RNASET2: variants seen among roughly 807,000 people sequenced by gnomAD.
The protein encoded by RNASET2 is ribonuclease T2, also known as ribonuclease 6.
RNASET2 carries 28 observed loss-of-function variants against 33.9 expected under a neutral mutation model. The observed-to-expected ratio is 0.83, with a 90% CI of 0.61 to 1.13. RNASET2 has a LOEUF of 1.13. Among genes scored for constraint, RNASET2 ranks in the 50% most tolerant of loss-of-function variants. The probability of loss-of-function intolerance (pLI) is 0.00; values close to 1 mark genes in which losing one functional copy is unlikely to be tolerated. For synonymous variants in RNASET2, 123 were observed against 121.0 expected (o/e 1.02, Z -0.11); for missense variants, 330 against 319.9 (o/e 1.03, Z -0.24).
intron 7 of RNASET2, chr6:166,931,664 C>T (rs571326799): frequency 4.6e-5 from 8 of 174,016 alleles, no homozygotes; most frequent in East Asian, 3.1e-4. Context: ...GCCTCCTCCT[C>T]GCTCTACTGA....
intron 1 of RNASET2, 106 bp from the exon 2 acceptor site, chr6:166,952,654 G>T: frequency 1.2e-6 from 1 of 865,282 alleles, no homozygotes; most frequent in Non-Finnish European, 1.9e-6. Context: ...ACTGAGTGCT[G>T]TGGGAGGAGG....
chr6:166,931,206 G>T, intron 7 of RNASET2, 88 bp from the exon 8 acceptor site: 1 of 953,254 alleles, frequency 1.0e-6, no homozygotes, highest in Non-Finnish European at 1.7e-6. Context: ...ACAGTGGCAG[G>T]GTCCTGGTCT....
At chr6:166,931,234 C>T (rs1009370469) in intron 7 of RNASET2, 116 bp from the exon 8 acceptor site, 9 of 788,418 alleles carry the variant, frequency 1.1e-5, no homozygotes, top group Non-Finnish European at 1.8e-5. Flanking sequence ...CTGGCAGGGA[C>T]AGGACCCAGC....
Position 166,955,225 on chromosome 6 carries a change from ACACACGCACGCACGCACACACACG to A in RNASET2, c.86+848_86+871del, listed in dbSNP as rs1339414294. Among the ~76,000 whole-genome samples the A allele has an allele frequency of 1.0e-3, 51 of 48,598 alleles. 2 individuals are homozygous for A. Among genetic ancestry groups the A allele is most frequent in the African/African-American group, 5.8e-3 (50 of 8,580 alleles). The allele number at this position is 48,598 out of a possible 152,430, so 31.9% of individuals were successfully genotyped here. On this transcript the variant is annotated intron_variant, in intron 1 of 8. Coordinates refer to ENST00000508775, the MANE Select transcript of RNASET2 (RefSeq NM_003730.6). ...CGCACACACGCACGCACACACGCGC[ACACACGCACGCACGCACACACACG>A]CACACACGCACACACACACACGCGC...
chr6:166,943,844 G>A (rs750369854), intron 4 of RNASET2: 13 of 441,318 alleles, frequency 2.9e-5, no homozygotes, highest in Admixed American at 5.1e-5. Flanking sequence ...AACATTGGCC[G>A]GGCACGGTGG....
intron 4 of RNASET2, chr6:166,943,766 G>A (rs1191500482): frequency 2.1e-6 from 1 of 470,514 alleles, no homozygotes; most frequent in Admixed American, 2.4e-5. Flanking sequence ...TGGGAGAGTT[G>A]AGGGGGAAGG....
chr6:166,954,895 G>A (rs527956563), intron 1 of RNASET2, among the ~76,000 whole-genome samples: 150 of 152,224 alleles, frequency 9.9e-4, no homozygotes, highest in South Asian at 1.9e-3. Context: ...AGAGGCTGAG[G>A]CAGGAGAATC....
At chr6:166,950,577 C>T (rs1042834209) in intron 2 of RNASET2, among the ~76,000 whole-genome samples, 3 of 152,240 alleles carry the variant, frequency 2.0e-5, no homozygotes, top group Non-Finnish European at 4.4e-5. Flanking sequence ...CTCAGCAACA[C>T]GGTCAAACAC....
chr6:166,937,906 C>G (rs1049103739), intron 6 of RNASET2, among the ~76,000 whole-genome samples: 2 of 152,202 alleles, frequency 1.3e-5, no homozygotes, highest in African/African-American at 2.4e-5. Flanking sequence ...CTATCCCACC[C>G]AAGTTGCAGC....
chr6:166,949,108 G>A lies in RNASET2; in HGVS notation c.148-483C>T, dbSNP rs76015244. On this transcript the variant is annotated intron_variant, in intron 2 of 8. Coordinates refer to ENST00000508775, the MANE Select transcript of RNASET2 (RefSeq NM_003730.6). ...AGGCGCTAATAGTCACTACTACTCA[G>A]GAGGCTGAGGCAGGAGAATTGCTTG... 9.5e-3 allele frequency among the ~76,000 whole-genome samples: 1,431 copies of A among 150,970 alleles called. 32 individuals are homozygous for A. The highest frequency in any genetic ancestry group is 0.09 in the East Asian group (462 of 5,122).
rs192910800 is a variant in RNASET2 at position 166,942,197 on chromosome 6, C to T, written c.332+822G>A. 3.1e-3 allele frequency among the ~76,000 whole-genome samples: 475 copies of T among 151,998 alleles called. 3 individuals are homozygous for T. Among genetic ancestry groups the T allele is most frequent in the African/African-American group, 7.2e-3 (298 of 41,462 alleles). Reference sequence around the variant, plus strand: ...CCTCCCAAGTAGCTGGGATTACAAGCGTACGCCATCATGCCCAGCTAATTT... The same window carrying T: ...CCTCCCAAGTAGCTGGGATTACAAGTGTACGCCATCATGCCCAGCTAATTT... On this transcript the variant is annotated intron_variant, in intron 5 of 8. Coordinates refer to ENST00000508775, the MANE Select transcript of RNASET2 (RefSeq NM_003730.6).
At chr6:166,948,730 C>T (rs41269601) in intron 2 of RNASET2, 105 bp from the exon 3 acceptor site, 425 of 770,052 alleles carry the variant, frequency 5.5e-4, no homozygotes, top group African/African-American at 2.4e-3. Flanking sequence ...CATATGCCAA[C>T]GAGATACAGG....
At chr6:166,948,381 G>T in intron 3 of RNASET2, 189 bp downstream of exon 3, 1 of 665,960 alleles carries the variant, frequency 1.5e-6, no homozygotes, top group Non-Finnish European at 2.7e-6. Context: ...GTTCTATGAA[G>T]ACAGAATTAA....
rs751250162 is a variant in RNASET2 at position 166,943,076 on chromosome 6, T to C, written c.275A>G (p.Glu92Gly). ...NLEEIKDLLPEMRAYWPDVIH... is the reference protein window; with the variant it reads ...NLEEIKDLLPGMRAYWPDVIH... ...TACGTCAGGCCAGTATGCCCTCATT[T>C]CTGGCAAAAGATCCTATGCATTAAA... is the stretch of plus-strand genomic sequence containing the variant. The change falls in exon 5 of 9, where the codon GAA (glutamate) becomes GGA (glycine). Residue 92 changes from glutamate to glycine, a missense_variant. By Grantham distance (98) the Glu-to-Gly change is moderately conservative. Coordinates refer to ENST00000508775, the MANE Select transcript of RNASET2 (RefSeq NM_003730.6). 6.2e-7 allele frequency: 1 copy of C among 1,613,196 alleles called. No individual in the cohort carries two copies. Among genetic ancestry groups the C allele is most frequent in the Admixed American group, 1.7e-5 (1 of 59,988 alleles).
chr6:166,934,288 C>A, intron 6 of RNASET2, 152 bp from the exon 7 acceptor site: 1 of 667,016 alleles, frequency 1.5e-6, no homozygotes, highest in Non-Finnish European at 2.7e-6. Flanking sequence ...TCAACATGGA[C>A]TGCAAATACA....
In RNASET2 at chr6:166,929,677, G is replaced by A. The variant is rs1415604749; in HGVS notation, c.682C>T (p.Leu228=). 3.7e-6 allele frequency: 6 copies of A among 1,614,012 alleles called. No homozygotes were observed. Among genetic ancestry groups the A allele is most frequent in the Non-Finnish European group, 5.1e-6 (6 of 1,180,034 alleles). ...EQPSPKQEVW[L]ANGAAESRGL... is the part of the protein sequence containing the mutation. ...CGGCTCTCGGCGGCCCCATTTGCCA[G>A]CCAGACTTCCTGCTTGGGGGACGGC... Residue 228 remains leucine, a synonymous_variant, in exon 9 of 9, where the codon CTG becomes TTG. Transcript: ENST00000508775.
chr6:166,931,267 C>T, intron 7 of RNASET2, 149 bp from the exon 8 acceptor site: 1 of 689,370 alleles, frequency 1.5e-6, no homozygotes, highest in Non-Finnish European at 2.6e-6. Context: ...ATGATGCCCC[C>T]ACCTCCACCA....
At chr6:166,952,463 G>C (rs1779009325) in intron 2 of RNASET2, 25 bp downstream of exon 2, 1 of 1,609,824 alleles carries the variant, frequency 6.2e-7, no homozygotes, top group Admixed American at 1.7e-5. Context: ...CAGGCCCCAG[G>C]GCCCGTCAAG....
chr6:166,955,189 G>A lies in RNASET2; in HGVS notation c.86+908C>T, dbSNP rs151213404. On this transcript the variant is annotated intron_variant, in intron 1 of 8. Transcript: ENST00000508775. Reference sequence around the variant, plus strand: ...TTGGGCGGCTGCCACACACACACACGCACACACGCACGCACACACGCACGC... The same window carrying A: ...TTGGGCGGCTGCCACACACACACACACACACACGCACGCACACACGCACGC... Among the ~76,000 whole-genome samples the A allele has an allele frequency of 7.2e-3, 406 of 56,624 alleles. 9 individuals carry two copies. The highest frequency in any genetic ancestry group is 0.023 in the African/African-American group (335 of 14,408). 37.1% of individuals were successfully genotyped at this position (56,624 alleles called of 152,430 possible).
Sources: gnomAD v4.1 joint callset for allele counts (sites outside exome capture counted in the v4.1 genomes callset) on GRCh38, gnomAD v4.1.1 for gene constraint, MANE v1.5 for transcripts, NCBI Gene and HGNC (gene_info 2026-07-23, HGNC 2026-07-21) for gene names.